The following GAS2 variants were observed in gnomAD, a reference collection of about 807,000 sequenced individuals.
GAS2 encodes growth arrest specific 2, also known as growth arrest-specific protein 2.
GAS2 carries 20 observed loss-of-function variants against 37.5 expected under a neutral mutation model. The ratio of observed to expected loss-of-function variants is 0.53; its 90% CI spans 0.37 to 0.77. The LOEUF (loss-of-function observed/expected upper bound fraction) is 0.77, where lower values mean the gene tolerates loss of function less well. Ranked by LOEUF, GAS2 falls within the 30% of genes least tolerant of loss-of-function variation. GAS2 has a pLI of 0.00. For synonymous variants in GAS2, 144 were observed against 132.2 expected, an observed-to-expected ratio of 1.09 and a Z score of -0.61; for missense variants, 336 against 373.4, an observed-to-expected ratio of 0.90 and a Z score of 0.82.
intron 7 of GAS2, among the ~76,000 whole-genome samples, chr11:22,789,707 C>T (rs895431819): frequency 1.3e-5 from 2 of 151,386 alleles, no homozygotes; most frequent in African/African-American, 2.4e-5. Context: ...CCTCATGATC[C>T]GCCCGCCTTG....
In GAS2 at chr11:22,765,360, A is replaced by C. The variant is rs558773407; in HGVS notation, c.723+9407A>C. Among the ~76,000 whole-genome samples, 3 of 152,356 alleles carry C rather than the reference A, an allele frequency of 2.0e-5. No individual in the cohort carries two copies. In the South Asian group the frequency reaches 6.2e-4, roughly 32 times the overall value. On this transcript the variant is annotated intron_variant, in intron 7 of 7. Transcript: ENST00000454584. ...TTTAACTGATTTTAACAGGGATCTC[A>C]GGTTGATTTTTCTACAACTGAAATT... is the stretch of plus-strand genomic sequence containing the variant.
At chr11:22,726,106 G>T (rs1407285376) in intron 3 of GAS2, among the ~76,000 whole-genome samples, 186 bp from the exon 4 acceptor site, 1 of 152,022 alleles carries the variant, frequency 6.6e-6, no homozygotes, top group Non-Finnish European at 1.5e-5. Context: ...GTGCTTGCAG[G>T]AACAGATTTT....
chr11:22,682,869 T>TAAAAA (rs371098220), intron 2 of GAS2, among the ~76,000 whole-genome samples: 1 of 78,922 alleles, frequency 1.3e-5, no homozygotes, highest in Non-Finnish European at 2.1e-5. Flanking sequence ...CACTTTCTGC[T>TAAAAA]AAAAAAAAAA....
chr11:22,775,814 C>T (rs1470774059), intron 7 of GAS2, among the ~76,000 whole-genome samples: 1 of 152,176 alleles, frequency 6.6e-6, no homozygotes, highest in Admixed American at 6.5e-5. Flanking sequence ...TTCAGATTCT[C>T]AGTTCCAGGT....
chr11:22,804,821 A>G (rs1007992290), intron 7 of GAS2, among the ~76,000 whole-genome samples: 2 of 152,080 alleles, frequency 1.3e-5, no homozygotes, highest in Non-Finnish European at 2.9e-5. Flanking sequence ...GTTTGAGAAT[A>G]ATAGATAAAA....
intron 1 of GAS2, among the ~76,000 whole-genome samples, chr11:22,636,759 G>A (rs995992821): frequency 3.3e-4 from 50 of 151,318 alleles, no homozygotes; most frequent in African/African-American, 1.1e-3. Flanking sequence ...ATAAGAGAAC[G>A]TTAGAGTGTA....
intron 4 of GAS2, among the ~76,000 whole-genome samples, chr11:22,732,700 C>T (rs1431398415): frequency 6.6e-6 from 1 of 151,218 alleles, no homozygotes; most frequent in Non-Finnish European, 1.5e-5. Context: ...CTTATAGATT[C>T]CGGCAGGAGA....
intron 3 of GAS2, among the ~76,000 whole-genome samples, chr11:22,689,538 G>T (rs990437333): frequency 1.3e-5 from 2 of 152,050 alleles, no homozygotes; most frequent in Non-Finnish European, 2.9e-5. Context: ...AAGATGAAAG[G>T]CCAGAGGGTT....
intron 6 of GAS2, among the ~76,000 whole-genome samples, chr11:22,753,294 T>C (rs1429680202): frequency 6.6e-6 from 1 of 152,080 alleles, no homozygotes; most frequent in African/African-American, 2.4e-5. Flanking sequence ...TGGCCTTGTT[T>C]CTTCCATTTC....
chr11:22,657,662 G>C (rs940344822), intron 1 of GAS2, among the ~76,000 whole-genome samples: 1 of 152,088 alleles, frequency 6.6e-6, no homozygotes, highest in Non-Finnish European at 1.5e-5. Context: ...TAACATGTTT[G>C]CTCCTGAACA....
At chr11:22,640,512 C>T (rs1299154304) in intron 1 of GAS2, among the ~76,000 whole-genome samples, 1 of 152,096 alleles carries the variant, frequency 6.6e-6, no homozygotes, top group East Asian at 1.9e-4. Context: ...TTATCAACAA[C>T]ATTTCTCCAT....
chr11:22,650,573 C>T (rs1452458502), intron 1 of GAS2, among the ~76,000 whole-genome samples: 3 of 146,882 alleles, frequency 2.0e-5, no homozygotes, highest in East Asian at 2.0e-4. Context: ...GTAGGTCACT[C>T]AGGACTTGCT....
chr11:22,704,403 T>G (rs1324399208), intron 3 of GAS2, among the ~76,000 whole-genome samples: 1 of 151,636 alleles, frequency 6.6e-6, no homozygotes, highest in Non-Finnish European at 1.5e-5. Context: ...GCATTGCTTC[T>G]AATAAATCCT....
At chr11:22,655,882 A>G (rs1419963664) in intron 1 of GAS2, among the ~76,000 whole-genome samples, 1 of 152,240 alleles carries the variant, frequency 6.6e-6, no homozygotes, top group African/African-American at 2.4e-5. Flanking sequence ...ATGAGATTTT[A>G]TCAATTATTA....
intron 3 of GAS2, among the ~76,000 whole-genome samples, chr11:22,723,706 C>T (rs191698717): frequency 2.0e-4 from 30 of 151,814 alleles, no homozygotes; most frequent in Admixed American, 1.4e-3. Flanking sequence ...TTTTTCTGCC[C>T]GCCAGGGATA....
chr11:22,780,213 A>G (rs1420798672), intron 7 of GAS2, among the ~76,000 whole-genome samples: 3 of 152,186 alleles, frequency 2.0e-5, no homozygotes, highest in East Asian at 1.9e-4. Flanking sequence ...GAGATTAGCT[A>G]TGAGGGCTGG....
At chr11:22,760,700 A>G (rs1196047809) in intron 7 of GAS2, among the ~76,000 whole-genome samples, 2 of 152,206 alleles carry the variant, frequency 1.3e-5, no homozygotes, top group Non-Finnish European at 2.9e-5. Context: ...TGATTAGGAT[A>G]AAGACAAAGA....
chr11:22,705,274 G>A (rs1195027345), intron 3 of GAS2, among the ~76,000 whole-genome samples: 1 of 152,086 alleles, frequency 6.6e-6, no homozygotes, highest in Non-Finnish European at 1.5e-5. Context: ...CCACCACAGG[G>A]CCTTCACAAT....
intron 7 of GAS2, among the ~76,000 whole-genome samples, chr11:22,789,423 G>GAT (rs1491294585): frequency 0.013 from 954 of 71,134 alleles, 67 homozygotes; most frequent in Admixed American, 0.04. Flanking sequence ...TATCTCATAT[G>GAT]AGATATATAT....
Sources: allele counts gnomAD v4.1 joint callset (sites outside exome capture counted in the v4.1 genomes callset), GRCh38; gene constraint gnomAD v4.1.1; transcripts MANE v1.5; gene names NCBI Gene and HGNC (gene_info 2026-07-23, HGNC 2026-07-21).